Variants in HIVEP3 observed in about 807,000 individuals in gnomAD.
HIVEP3 encodes the protein transcription factor HIVEP3.
Under a neutral mutation model 152.8 loss-of-function variants are expected in HIVEP3, and 49 were observed. The ratio of observed to expected loss-of-function variants is 0.32; its 90% confidence interval spans 0.26 to 0.41. HIVEP3 has a LOEUF of 0.41. Ranked by LOEUF, HIVEP3 falls within the 10% of genes least tolerant of loss-of-function variation. The probability of loss-of-function intolerance (pLI) is 1.00; values close to 1 mark genes in which losing one functional copy is unlikely to be tolerated. For synonymous variants in HIVEP3, 1,269 were observed against 1,289.0 expected, an observed-to-expected ratio of 0.98 and a Z score of 0.33; for missense variants, 2,790 against 3,103.3, an observed-to-expected ratio of 0.90 and a Z score of 2.40.
chr1:41,647,783 C>T (rs1297324172), intron 2 of HIVEP3, among the ~76,000 whole-genome samples: 3 of 152,260 alleles, frequency 2.0e-5, no homozygotes, highest in Non-Finnish European at 4.4e-5. Flanking sequence ...CCAATCGCTC[C>T]TTCTTGGATC....
chr1:41,582,992 A>G lies in HIVEP3; in HGVS notation c.1806T>C (p.Ser602=). 1 of 1,613,962 alleles carries G rather than the reference A, an allele frequency of 6.2e-7. No homozygotes were observed. Among genetic ancestry groups the G allele is most frequent in the Non-Finnish European group, 8.5e-7 (1 of 1,179,996 alleles). Residue 602 remains serine (S), a synonymous_variant, in exon 4 of 9, where the codon AGT becomes AGC. Coordinates refer to ENST00000372583, the MANE Select transcript of HIVEP3 (RefSeq NM_024503.5). The surrounding 1 kb of genome is among the most constrained non-coding windows in gnomAD (Gnocchi z 4.7). The part of the protein sequence containing the change: ...AIELPLGGEY[S]SEEPGPSSKD... ...TGCTGCTTGGGCCAGGCTCCTCAGA[A>G]CTGTATTCCCCTCCCAAAGGTAATT...
chr1:41,990,018 G>A (rs143673519), intron 1 of HIVEP3, among the ~76,000 whole-genome samples: 1 of 64,858 alleles, frequency 1.5e-5, no homozygotes, highest in Non-Finnish European at 3.0e-5. Flanking sequence ...TCCTAGTCTC[G>A]ATGGTCTTTA....
rs138040004 is a variant in HIVEP3, at chr1:41,639,024, C to A, written c.-720-10077G>T. Among the ~76,000 whole-genome samples the A allele has an allele frequency of 5.4e-3, 822 of 152,300 alleles. 11 individuals carry two copies. Among genetic ancestry groups the A allele is most frequent in the African/African-American group, 0.019 (780 of 41,546 alleles). On this transcript the variant is annotated intron_variant, in intron 2 of 8. Transcript: ENST00000372583. Reference sequence around the variant, plus strand: ...TGAGGCCCCTGCCACCCTCCTGACACCCTCCTGACACGTGGCCCTTCCCTC... The same window carrying A: ...TGAGGCCCCTGCCACCCTCCTGACAACCTCCTGACACGTGGCCCTTCCCTC...
chr1:41,582,403 CAG>C lies in HIVEP3; in HGVS notation c.2393_2394del (p.Ser798CysfsTer9). On this transcript the variant is annotated frameshift_variant, in exon 4 of 9. Coordinates refer to ENST00000372583, the MANE Select transcript of HIVEP3 (RefSeq NM_024503.5). LOFTEE classifies it high-confidence loss of function. The surrounding 1 kb of genome is among the most constrained non-coding windows in gnomAD (Gnocchi z 4.7). ...TCAAAGGAGCTGGTGTGCTGGATGACAGAAATTTCTTTGGACGTTGTTCTCCT... is the reference window on the plus strand; with the variant it reads ...TCAAAGGAGCTGGTGTGCTGGATGACAAATTTCTTTGGACGTTGTTCTCCT... ...KERRTTSKEI[S>X]VIQHTSSFEK... The C allele has an allele frequency of 6.2e-7, 1 of 1,614,200 alleles. No individual in the cohort carries two copies. Among genetic ancestry groups the C allele is most frequent in the Non-Finnish European group, 8.5e-7 (1 of 1,180,032 alleles).
At chr1:41,704,229 C>T (rs540296201) in intron 1 of HIVEP3, among the ~76,000 whole-genome samples, 1 of 152,348 alleles carries the variant, frequency 6.6e-6, no homozygotes, top group South Asian at 2.1e-4. Flanking sequence ...GCATCGCTTC[C>T]ACCGCTTTCT....
intron 3 of HIVEP3, among the ~76,000 whole-genome samples, chr1:41,586,216 G>A (rs1644504669): frequency 6.6e-6 from 1 of 152,176 alleles, no homozygotes; most frequent in Admixed American, 6.5e-5. Flanking sequence ...CCAAGTGTGT[G>A]CCTCCTCCTA....
chr1:41,927,539 A>C (rs1644974312), intron 1 of HIVEP3, among the ~76,000 whole-genome samples: 1 of 152,218 alleles, frequency 6.6e-6, no homozygotes, highest in Admixed American at 6.5e-5. Flanking sequence ...AAATAACGTA[A>C]GTGTGCAAAG....
At chr1:41,545,378 T>TATC (rs1643740642) in intron 5 of HIVEP3, among the ~76,000 whole-genome samples, 1 of 72,796 alleles carries the variant, frequency 1.4e-5, no homozygotes, top group Non-Finnish European at 2.6e-5. Context: ...CCACCACCAC[T>TATC]ACCACCACCA....
At chr1:41,954,878 G>C (rs1645131487) in intron 1 of HIVEP3, among the ~76,000 whole-genome samples, 1 of 152,074 alleles carries the variant, frequency 6.6e-6, no homozygotes, top group Admixed American at 6.5e-5. Context: ...GCACAGAAAT[G>C]GTTCCACAAG....
chr1:41,859,480 G>A lies in HIVEP3; in HGVS notation c.-801+58933C>T, dbSNP rs146831777. Among the ~76,000 whole-genome samples, 395 of 152,278 alleles carry A rather than the reference G, an allele frequency of 2.6e-3. 1 individual carries two copies. The highest frequency in any genetic ancestry group is 8.9e-3 in the African/African-American group (370 of 41,564). On this transcript the variant is annotated intron_variant, in intron 1 of 8. Coordinates refer to ENST00000372583, the MANE Select transcript of HIVEP3 (RefSeq NM_024503.5). The stretch of plus-strand genomic sequence containing the variant: ...TTAGTACCTATTTTCCACTCCACAT[G>A]TCTGTTACAAGAGGCAGGAGAATGT...
chr1:41,564,271 C>T lies in HIVEP3; in HGVS notation c.5207+11273G>A, dbSNP rs141779516. 1.8e-4 allele frequency among the ~76,000 whole-genome samples: 27 copies of T among 152,122 alleles called. No individual in the cohort carries two copies. In the East Asian group the frequency reaches 4.4e-3, roughly 25 times the overall value. On this transcript the variant is annotated intron_variant, in intron 5 of 8. Coordinates refer to ENST00000372583, the MANE Select transcript of HIVEP3 (RefSeq NM_024503.5). ...AAATGGAGGGACGTACTCAGAGAAT[C>T]CAGCAAAAAGGCAAAGCAATGGAAA...
intron 1 of HIVEP3, among the ~76,000 whole-genome samples, chr1:41,855,321 C>A (rs1035742778): frequency 7.7e-6 from 1 of 130,558 alleles, no homozygotes; most frequent in Non-Finnish European, 1.8e-5. Flanking sequence ...CATAAAAAAG[C>A]AATGGCAACA....
intron 1 of HIVEP3, among the ~76,000 whole-genome samples, chr1:41,866,469 C>T (rs1025613674): frequency 2.4e-4 from 37 of 152,228 alleles, no homozygotes; most frequent in African/African-American, 2.4e-5. Flanking sequence ...GCAGTGCACT[C>T]CACTTTCTAG....
At chr1:41,882,699 G>A (rs1453541335) in intron 1 of HIVEP3, among the ~76,000 whole-genome samples, 1 of 152,076 alleles carries the variant, frequency 6.6e-6, no homozygotes, top group Non-Finnish European at 1.5e-5. Context: ...GAAGTCCCCT[G>A]GGCACATAAC....
At chr1:41,541,454 C>T (rs555165610) in intron 5 of HIVEP3, among the ~76,000 whole-genome samples, 43 of 152,230 alleles carry the variant, frequency 2.8e-4, no homozygotes, top group African/African-American at 9.4e-4. Flanking sequence ...GTGTTGTGGC[C>T]GTGACAGGCT....
At chr1:41,819,590 G>A (rs1047149238) in intron 1 of HIVEP3, among the ~76,000 whole-genome samples, 32 of 151,956 alleles carry the variant, frequency 2.1e-4, no homozygotes, top group African/African-American at 5.1e-4. Flanking sequence ...TATAATTTCC[G>A]CTAAGATTTC....
intron 2 of HIVEP3, among the ~76,000 whole-genome samples, chr1:41,634,107 C>T (rs1645235735): frequency 6.7e-6 from 1 of 149,636 alleles, no homozygotes; most frequent in African/African-American, 2.5e-5. Flanking sequence ...ACCCACCACC[C>T]ACGCATCTTT....
At chr1:41,573,504 G>A (rs1450288033) in intron 5 of HIVEP3, among the ~76,000 whole-genome samples, 2 of 152,164 alleles carry the variant, frequency 1.3e-5, no homozygotes, top group African/African-American at 4.8e-5. Flanking sequence ...AGTTCCATAC[G>A]TGCTCAAATT....
At chr1:41,644,884 G>T (rs1020529421) in intron 2 of HIVEP3, among the ~76,000 whole-genome samples, 2 of 151,936 alleles carry the variant, frequency 1.3e-5, no homozygotes, top group African/African-American at 4.8e-5. Flanking sequence ...CTAGGAGCTG[G>T]CCTCACCCAA....
Sources: allele counts gnomAD v4.1 joint callset (sites outside exome capture counted in the v4.1 genomes callset), GRCh38; gene constraint gnomAD v4.1.1; non-coding constraint Gnocchi (gnomAD v3.1); transcripts MANE v1.5; gene names NCBI Gene and HGNC (gene_info 2026-07-23, HGNC 2026-07-21).